The following EDIL3 variants were observed in gnomAD, a reference collection of about 807,000 sequenced individuals.
The protein encoded by EDIL3 is EGF like and discoidin domains 3.
In EDIL3, 37 loss-of-function variants were observed where a neutral mutation model predicts 67.4. That is an observed-to-expected ratio of 0.55 (90% CI 0.42 to 0.72). The LOEUF is 0.72. Among genes scored for constraint, EDIL3 ranks in the 30% least tolerant of loss-of-function variants. EDIL3 has a pLI of 0.00. For synonymous variants in EDIL3, 195 were observed against 196.3 expected, an observed-to-expected ratio of 0.99 and a Z score of 0.05; for missense variants, 527 against 586.3, an observed-to-expected ratio of 0.90 and a Z score of 1.04.
chr5:84,170,840 G>A (rs909472667), intron 4 of EDIL3, among the ~76,000 whole-genome samples: 2 of 151,924 alleles, frequency 1.3e-5, no homozygotes, highest in Non-Finnish European at 1.5e-5. Context: ...TGTTGCCCGG[G>A]CTGGAGTGCA....
At chr5:84,241,292 T>C (rs910264452) in intron 2 of EDIL3, among the ~76,000 whole-genome samples, 3 of 152,232 alleles carry the variant, frequency 2.0e-5, no homozygotes, top group Non-Finnish European at 4.4e-5. Context: ...TGTTCTTTTT[T>C]CCCTATGATT....
intron 4 of EDIL3, among the ~76,000 whole-genome samples, chr5:84,146,812 C>T (rs1417127713): frequency 6.6e-6 from 1 of 151,982 alleles, no homozygotes; most frequent in African/African-American, 2.4e-5. Context: ...ATATTTCATA[C>T]CTATAGAATT....
At chr5:83,971,194 A>T (rs1429786819) in intron 9 of EDIL3, among the ~76,000 whole-genome samples, 1 of 151,710 alleles carries the variant, frequency 6.6e-6, no homozygotes, top group Non-Finnish European at 1.5e-5. Flanking sequence ...GGAAAAATAT[A>T]GCACCTCTCT....
intron 9 of EDIL3, among the ~76,000 whole-genome samples, chr5:83,989,013 A>G (rs1197343102): frequency 6.6e-6 from 1 of 152,178 alleles, no homozygotes; most frequent in Non-Finnish European, 1.5e-5. Context: ...ATTTTTAAGG[A>G]AAAACAAAAT....
intron 1 of EDIL3, among the ~76,000 whole-genome samples, chr5:84,255,455 G>T (rs575196654): frequency 4.5e-4 from 68 of 152,238 alleles, no homozygotes; most frequent in African/African-American, 1.5e-3. Flanking sequence ...CATGGGTGTG[G>T]CTTTATTGCA....
intron 1 of EDIL3, among the ~76,000 whole-genome samples, chr5:84,331,448 T>C (rs896929983): frequency 6.6e-6 from 1 of 152,204 alleles, no homozygotes; most frequent in African/African-American, 2.4e-5. Context: ...CATGCTTTTC[T>C]CATGATAGTG....
intron 9 of EDIL3, among the ~76,000 whole-genome samples, chr5:84,005,911 T>C (rs1262392847): frequency 6.6e-6 from 1 of 151,950 alleles, no homozygotes; most frequent in African/African-American, 2.4e-5. Flanking sequence ...TGATTTTATA[T>C]CTAGAATACT....
chr5:84,251,453 T>C (rs1028392737), intron 2 of EDIL3, among the ~76,000 whole-genome samples: 5 of 151,908 alleles, frequency 3.3e-5, no homozygotes, highest in Non-Finnish European at 5.9e-5. Context: ...GGATGGTCTT[T>C]AGTAATCTAA....
At chr5:84,207,811 T>C (rs1217840270) in intron 3 of EDIL3, among the ~76,000 whole-genome samples, 1 of 151,130 alleles carries the variant, frequency 6.6e-6, no homozygotes, top group Non-Finnish European at 1.5e-5. Flanking sequence ...ATTCCCTATT[T>C]AATAAATGGT....
intron 5 of EDIL3, among the ~76,000 whole-genome samples, chr5:84,128,832 C>A (rs764447611): frequency 2.0e-5 from 3 of 151,946 alleles, no homozygotes; most frequent in Non-Finnish European, 4.4e-5. Flanking sequence ...AGAATAAATG[C>A]AAAACTAAAT....
At chr5:84,161,605 C>G (rs190485074) in intron 4 of EDIL3, among the ~76,000 whole-genome samples, 155 of 152,068 alleles carry the variant, frequency 1.0e-3, no homozygotes, top group African/African-American at 3.4e-3. Context: ...ATAAAAATGC[C>G]CTAAGCTTAC....
At chr5:84,131,286 A>G (rs1747962530) in intron 5 of EDIL3, among the ~76,000 whole-genome samples, 1 of 152,196 alleles carries the variant, frequency 6.6e-6, no homozygotes, top group Non-Finnish European at 1.5e-5. Flanking sequence ...CAGATAAAGA[A>G]TCTGAGGCTC....
chr5:84,206,662 A>G (rs1743986147), intron 3 of EDIL3, among the ~76,000 whole-genome samples: 1 of 152,124 alleles, frequency 6.6e-6, no homozygotes, highest in Non-Finnish European at 1.5e-5. Context: ...ATACTGGCAA[A>G]CCGAATCCAG....
chr5:84,142,828 C>A (rs977881376), intron 4 of EDIL3, among the ~76,000 whole-genome samples: 8 of 146,220 alleles, frequency 5.5e-5, no homozygotes, highest in South Asian at 4.8e-4. Context: ...TGCCCCCCCC[C>A]CCAAGCTTTT....
rs545874661 is a variant in EDIL3 at position 84,113,040 on chromosome 5, A to T, written c.470-6210T>A. Among the ~76,000 whole-genome samples the T allele has an allele frequency of 2.1e-4, 32 of 152,006 alleles. No homozygotes were observed. The South Asian group carries it at 3.5e-3, about 17-fold the overall frequency. On this transcript the variant is annotated intron_variant, in intron 5 of 10. Coordinates refer to ENST00000296591, the MANE Select transcript of EDIL3 (RefSeq NM_005711.5). The stretch of plus-strand genomic sequence containing the variant: ...AAAGAAGAGCACTTGTTTACTATTT[A>T]AAAAAAATGTAACTGATAGTGGTCT...
chr5:84,264,405 T>G (rs1312707323), intron 1 of EDIL3, among the ~76,000 whole-genome samples: 1 of 152,032 alleles, frequency 6.6e-6, no homozygotes, highest in African/African-American at 2.4e-5. Flanking sequence ...AGAAAAATGA[T>G]GGAGGGAAAG....
At chr5:84,173,960 A>G (rs1748856881) in intron 4 of EDIL3, among the ~76,000 whole-genome samples, 1 of 152,096 alleles carries the variant, frequency 6.6e-6, no homozygotes, top group African/African-American at 2.4e-5. Flanking sequence ...TGCCAAACCA[A>G]AGGTATGGTG....
intron 5 of EDIL3, among the ~76,000 whole-genome samples, chr5:84,121,730 C>A (rs912378637): frequency 1.5e-4 from 23 of 151,996 alleles, no homozygotes; most frequent in Non-Finnish European, 2.9e-5. Flanking sequence ...GCAGCTCATG[C>A]CTCTGTCCTT....
At chr5:84,123,151 C>T (rs1747809426) in intron 5 of EDIL3, among the ~76,000 whole-genome samples, 1 of 151,854 alleles carries the variant, frequency 6.6e-6, no homozygotes, top group South Asian at 2.1e-4. Flanking sequence ...TAAGAAAATG[C>T]CTCAGGATAA....
Sources: allele counts gnomAD v4.1 joint callset (sites outside exome capture counted in the v4.1 genomes callset), GRCh38; gene constraint gnomAD v4.1.1; transcripts MANE v1.5; gene names NCBI Gene and HGNC (gene_info 2026-07-23, HGNC 2026-07-21).